Variants in THSD7A observed in about 807,000 individuals in gnomAD.
The protein encoded by THSD7A is thrombospondin type-1 domain-containing protein 7A.
THSD7A carries 96 observed loss-of-function variants against 231.3 expected under a neutral mutation model. That is an observed-to-expected ratio of 0.41 (90% CI 0.35 to 0.49). The LOEUF (loss-of-function observed/expected upper bound fraction) is 0.49, where lower values mean the gene tolerates loss of function less well. Ranked by LOEUF, THSD7A falls within the 20% of genes least tolerant of loss-of-function variation. THSD7A has a pLI of 0.05. For synonymous variants in THSD7A, 940 were observed against 743.3 expected, an observed-to-expected ratio of 1.26 and a Z score of -4.30; for missense variants, 2,290 against 2,070.2, an observed-to-expected ratio of 1.11 and a Z score of -2.06.
chr7:11,601,882 A>G (rs2128344745), intron 2 of THSD7A, among the ~76,000 whole-genome samples: 1 of 152,362 alleles, frequency 6.6e-6, no homozygotes, highest in South Asian at 2.1e-4. Flanking sequence ...AAGAGGTTAG[A>G]AAACTTGGCA....
At chr7:11,530,323 A>G (rs1788651638) in intron 6 of THSD7A, among the ~76,000 whole-genome samples, 1 of 152,190 alleles carries the variant, frequency 6.6e-6, no homozygotes, top group Admixed American at 6.5e-5. Context: ...TCTGGTAGGC[A>G]AAGTTTGAAT....
chr7:11,824,586 C>T (rs758763517), intron 1 of THSD7A, among the ~76,000 whole-genome samples: 1 of 152,070 alleles, frequency 6.6e-6, no homozygotes, highest in Non-Finnish European at 1.5e-5. Flanking sequence ...AAGGAGTGAC[C>T]TAAGTTACTC....
At chr7:11,614,095 G>A (rs1418846913) in intron 2 of THSD7A, among the ~76,000 whole-genome samples, 2 of 152,190 alleles carry the variant, frequency 1.3e-5, no homozygotes, top group Non-Finnish European at 1.5e-5. Flanking sequence ...AAGTTGGGAT[G>A]TTTTAACTGA....
In THSD7A at chr7:11,636,077, C is replaced by G; in HGVS notation, c.1022+53G>C. 2 of 1,492,538 alleles carry G rather than the reference C, an allele frequency of 1.3e-6. No homozygotes were observed. The highest frequency in any genetic ancestry group is 2.8e-5 in the African/African-American group (2 of 71,440). 92.5% of individuals were successfully genotyped at this position (1,492,538 alleles called of 1,614,324 possible). ...TAGATAGTACCGGATATCTTAGGTA[C>G]TCATGATTCTTGACAGACAAGCCTG... On this transcript the variant is annotated intron_variant, in intron 2 of 27. Coordinates refer to ENST00000423059, the MANE Select transcript of THSD7A (RefSeq NM_015204.3). This position sits in a 1 kb window ranked among gnomAD's most constrained non-coding sequence, Gnocchi z 10.0.
intron 11 of THSD7A, among the ~76,000 whole-genome samples, chr7:11,457,307 C>T (rs933177374): frequency 6.6e-6 from 1 of 151,998 alleles, no homozygotes; most frequent in Admixed American, 6.6e-5. Context: ...CCAAAATTAG[C>T]TCTACTTTTA....
intron 1 of THSD7A, among the ~76,000 whole-genome samples, chr7:11,741,071 G>A (rs934311445): frequency 6.6e-6 from 1 of 151,820 alleles, no homozygotes; most frequent in South Asian, 2.1e-4. Flanking sequence ...CCTGTTAATC[G>A]ATGATATAAT....
chr7:11,624,159 T>C (rs1404573784), intron 2 of THSD7A, among the ~76,000 whole-genome samples: 1 of 152,106 alleles, frequency 6.6e-6, no homozygotes, highest in Non-Finnish European at 1.5e-5. Context: ...GATCCTGTAT[T>C]GTCTATGTGG....
intron 6 of THSD7A, among the ~76,000 whole-genome samples, chr7:11,495,349 G>A (rs1787056409): frequency 1.3e-5 from 2 of 151,976 alleles, no homozygotes; most frequent in Admixed American, 1.3e-4. Flanking sequence ...GGCCGTAGGT[G>A]CTTATGAGAA....
intron 6 of THSD7A, among the ~76,000 whole-genome samples, chr7:11,519,555 G>A (rs987797644): frequency 2.0e-5 from 3 of 152,092 alleles, no homozygotes; most frequent in Non-Finnish European, 1.5e-5. Flanking sequence ...GCTAACTCTT[G>A]GAATTGTTTA....
At chr7:11,659,180 T>A (rs1348340297) in intron 1 of THSD7A, among the ~76,000 whole-genome samples, 1 of 151,678 alleles carries the variant, frequency 6.6e-6, no homozygotes, top group Non-Finnish European at 1.5e-5. Context: ...ACACATTTGG[T>A]TACAGTAGTT....
intron 1 of THSD7A, among the ~76,000 whole-genome samples, chr7:11,792,243 T>C (rs903975340): frequency 6.6e-6 from 1 of 152,016 alleles, no homozygotes; most frequent in Non-Finnish European, 1.5e-5. Context: ...AACTGATCAG[T>C]CTGCTGGTAA....
Position 11,392,067 on chromosome 7 carries a change from CT to C in THSD7A, c.4412-9452del, listed in dbSNP as rs966758005. Among the ~76,000 whole-genome samples the C allele has an allele frequency of 3.9e-5, 6 of 151,902 alleles. No homozygotes were observed. The South Asian group carries it at 6.3e-4, about 16-fold the overall frequency. ...GCCATCTTGCCCAGAATCTCAACTTCTTTTTTTAAGATTTCACATAGGGAGA... is the reference window on the plus strand; with the variant it reads ...GCCATCTTGCCCAGAATCTCAACTTCTTTTTTAAGATTTCACATAGGGAGA... On this transcript the variant is annotated intron_variant, in intron 23 of 27. Transcript: ENST00000423059.
At chr7:11,743,601 C>T (rs2128161673) in intron 1 of THSD7A, among the ~76,000 whole-genome samples, 1 of 151,914 alleles carries the variant, frequency 6.6e-6, no homozygotes, top group Middle Eastern at 3.4e-3. Flanking sequence ...GAAATATTAT[C>T]ATTTCATTTT....
intron 11 of THSD7A, among the ~76,000 whole-genome samples, chr7:11,456,125 T>C (rs1005945527): frequency 3.3e-5 from 5 of 151,996 alleles, no homozygotes; most frequent in African/African-American, 1.2e-4. Context: ...CTTTTAAGTG[T>C]TGGGCTGAAT....
chr7:11,559,635 G>T (rs947275487), intron 4 of THSD7A, among the ~76,000 whole-genome samples: 1 of 151,900 alleles, frequency 6.6e-6, no homozygotes, highest in African/African-American at 2.4e-5. Flanking sequence ...GGCAAGAAAG[G>T]AGAAGTGAAG....
chr7:11,531,021 AAAC>A (rs1262988409), intron 6 of THSD7A, among the ~76,000 whole-genome samples: 1 of 152,168 alleles, frequency 6.6e-6, no homozygotes, highest in Admixed American at 6.5e-5. Context: ...AAAAACAAAC[AAAC>A]AAGATTTCAA....
intron 6 of THSD7A, among the ~76,000 whole-genome samples, chr7:11,524,368 G>C (rs1788388027): frequency 6.6e-6 from 1 of 151,998 alleles, no homozygotes; most frequent in South Asian, 2.1e-4. Context: ...AACAGAGCTT[G>C]GTATCTTTTT....
At chr7:11,483,340 AAT>A (rs761839208) in intron 6 of THSD7A, among the ~76,000 whole-genome samples, 8 of 152,240 alleles carry the variant, frequency 5.3e-5, no homozygotes, top group Non-Finnish European at 1.2e-4. Context: ...AGTCAATTGG[AAT>A]GCACCTACGT....
chr7:11,790,472 T>C (rs1240096705), intron 1 of THSD7A, among the ~76,000 whole-genome samples: 2 of 151,994 alleles, frequency 1.3e-5, no homozygotes, highest in Non-Finnish European at 1.5e-5. Context: ...TTAAATGTTT[T>C]AGCACAACAG....
Sources: allele counts gnomAD v4.1 joint callset (sites outside exome capture counted in the v4.1 genomes callset), GRCh38; gene constraint gnomAD v4.1.1; non-coding constraint Gnocchi (gnomAD v3.1); transcripts MANE v1.5; gene names NCBI Gene and HGNC (gene_info 2026-07-23, HGNC 2026-07-21).